Variants in NFATC3 observed in about 807,000 individuals in gnomAD.
The protein encoded by NFATC3 is nuclear factor of activated T cells 3, also known as nuclear factor of activated T-cells, cytoplasmic 3.
In NFATC3, 46 loss-of-function variants were observed where a neutral mutation model predicts 98.6. That is an observed-to-expected ratio of 0.47 (90% CI 0.37 to 0.60). The LOEUF (loss-of-function observed/expected upper bound fraction) is 0.60. NFATC3 is among the 20% of genes least tolerant of loss of function. The pLI is 0.00. For synonymous variants in NFATC3, 512 were observed against 472.2 expected, an observed-to-expected ratio of 1.08 and a Z score of -1.09; for missense variants, 1,256 against 1,295.5, an observed-to-expected ratio of 0.97 and a Z score of 0.47.
intron 4 of NFATC3, among the ~76,000 whole-genome samples, chr16:68,163,566 G>A (rs1340127434): frequency 2.0e-5 from 3 of 152,170 alleles, no homozygotes; most frequent in South Asian, 2.1e-4. Context: ...CCTCCTGGAC[G>A]GGGTGGCTGC....
chr16:68,085,430 A>T lies in NFATC3; in HGVS notation c.-252A>T, dbSNP rs1403732367. 3.2e-6 allele frequency: 1 copy of T among 313,508 alleles called. No homozygotes were observed. The highest frequency in any genetic ancestry group is 5.6e-5 in the East Asian group (1 of 17,960). The allele number at this position is 313,508 out of a possible 1,614,324, so 19.4% of individuals were successfully genotyped here. A position where few individuals can be genotyped will look rare whatever the true frequency, so the allele number is the denominator to read the frequency against. On this transcript the variant is annotated 5_prime_UTR_variant, in exon 1 of 10. Transcript: ENST00000346183. ...CGACTGTGGGGGGGCGGCGGGGAAC[A>T]TTGGCTAAGCCGACAGTGGAGGCTT... is the stretch of plus-strand genomic sequence containing the variant.
chr16:68,206,212 C>G (rs1233263244), intron 9 of NFATC3, among the ~76,000 whole-genome samples: 2 of 152,150 alleles, frequency 1.3e-5, no homozygotes, highest in Admixed American at 6.5e-5. Context: ...TCATTTCACA[C>G]AATGTTCTCC....
chr16:68,127,292 A>T (rs1007602254), intron 3 of NFATC3, among the ~76,000 whole-genome samples: 3 of 152,216 alleles, frequency 2.0e-5, no homozygotes, highest in Non-Finnish European at 4.4e-5. Flanking sequence ...ACCCTCTCAG[A>T]AATAAGCAGT....
chr16:68,203,687 C>T (rs542851318), intron 9 of NFATC3, among the ~76,000 whole-genome samples: 2 of 152,096 alleles, frequency 1.3e-5, no homozygotes, highest in East Asian at 3.9e-4. Flanking sequence ...AGGAAAAGTC[C>T]AAGAGAGGCT....
At chr16:68,090,840 G>A (rs2034673207) in intron 1 of NFATC3, among the ~76,000 whole-genome samples, 1 of 152,118 alleles carries the variant, frequency 6.6e-6, no homozygotes, top group Admixed American at 6.5e-5. Context: ...TTAGGCCAAC[G>A]TTTTCTGTAG....
In NFATC3 at chr16:68,145,159, G is replaced by T. The variant is rs538806970; in HGVS notation, c.1402-12710G>T. ...TTTTTTTTTTTTTTTTTGTGATAGGGTCTGGCTCTGCAGATTGCACATCAC... is the reference window on the plus strand; with the variant it reads ...TTTTTTTTTTTTTTTTTGTGATAGGTTCTGGCTCTGCAGATTGCACATCAC... On this transcript the variant is annotated intron_variant, in intron 3 of 9. Coordinates refer to ENST00000346183, the MANE Select transcript of NFATC3 (RefSeq NM_173165.3). Among the ~76,000 whole-genome samples, 192 of 148,752 alleles carry T rather than the reference G, an allele frequency of 1.3e-3. 2 individuals are homozygous for T. Among genetic ancestry groups the T allele is most frequent in the Non-Finnish European group, 2.4e-3 (160 of 67,276 alleles).
chr16:68,138,829 G>C, intron 3 of NFATC3: 1 of 1,206,134 alleles, frequency 8.3e-7, no homozygotes, highest in Non-Finnish European at 1.1e-6. Context: ...CTCCACACAG[G>C]AATAAATCAT....
At chr16:68,087,339 C>G (rs756063326) in intron 1 of NFATC3, among the ~76,000 whole-genome samples, 5 of 151,768 alleles carry the variant, frequency 3.3e-5, no homozygotes, top group Non-Finnish European at 7.4e-5. Flanking sequence ...TATATACAAC[C>G]AAAATACTGA....
At chr16:68,087,625 C>T (rs1322444494) in intron 1 of NFATC3, among the ~76,000 whole-genome samples, 1 of 152,090 alleles carries the variant, frequency 6.6e-6, no homozygotes, top group African/African-American at 2.4e-5. Flanking sequence ...CAGTGTTGTG[C>T]AGCTACTGCT....
chr16:68,134,984 T>A (rs2037312026), intron 3 of NFATC3, among the ~76,000 whole-genome samples: 1 of 124,424 alleles, frequency 8.0e-6, no homozygotes, highest in Admixed American at 8.7e-5. Context: ...ATACAGTCTC[T>A]TTTTTTTTTA....
At chr16:68,194,827 T>C (rs1424093129) in intron 9 of NFATC3, among the ~76,000 whole-genome samples, 2 of 152,038 alleles carry the variant, frequency 1.3e-5, no homozygotes, top group Non-Finnish European at 2.9e-5. Context: ...AGAAAGATTT[T>C]GGGAAAATGT....
At chr16:68,222,420 G>A (rs574766513) in intron 9 of NFATC3, among the ~76,000 whole-genome samples, 2 of 150,626 alleles carry the variant, frequency 1.3e-5, no homozygotes, top group African/African-American at 2.4e-5. Flanking sequence ...AACTTGAACA[G>A]TGAAATACAA....
intron 8 of NFATC3, among the ~76,000 whole-genome samples, chr16:68,188,525 G>T (rs1306077549): frequency 6.6e-6 from 1 of 152,222 alleles, no homozygotes; most frequent in African/African-American, 2.4e-5. Context: ...ACTGCAGCCA[G>T]GGTCATGGCA....
intron 9 of NFATC3, among the ~76,000 whole-genome samples, chr16:68,220,751 A>C (rs963424895): frequency 3.7e-5 from 5 of 135,566 alleles, no homozygotes; most frequent in Non-Finnish European, 6.1e-5. Context: ...ACTAAAAAAA[A>C]AAATACAAAA....
chr16:68,159,048 A>G (rs60770480), intron 4 of NFATC3, among the ~76,000 whole-genome samples: 1,924 of 152,306 alleles, frequency 0.013, 43 homozygotes, highest in African/African-American at 0.043. Flanking sequence ...CCTGAGCAAC[A>G]TGGCGAAACC....
intron 9 of NFATC3, chr16:68,209,586 C>A: frequency 2.9e-6 from 1 of 349,958 alleles, no homozygotes; most frequent in South Asian, 2.4e-5. Context: ...GCTGAAGGGT[C>A]AGGCCCATCT....
Position 68,098,773 on chromosome 16 carries a change from A to G in NFATC3, c.103+12989A>G, listed in dbSNP as rs138356497. Among the ~76,000 whole-genome samples the G allele has an allele frequency of 1.9e-3, 294 of 152,210 alleles. 2 individuals are homozygous for G. Among genetic ancestry groups the G allele is most frequent in the Admixed American group, 2.4e-3 (37 of 15,298 alleles). ...GTTATCTTCTGTAGGTTTAGTTTAT[A>G]TTTTCCAAATAACTAATGCTCTTGA... On this transcript the variant is annotated intron_variant, in intron 1 of 9. Transcript: ENST00000346183.
At chr16:68,089,284 T>G (rs1272651465) in intron 1 of NFATC3, 9 of 985,256 alleles carry the variant, frequency 9.1e-6, no homozygotes, top group Non-Finnish European at 9.6e-6. Flanking sequence ...GCTAATTAGA[T>G]GATGTGAGAT....
At chr16:68,159,386 C>CACTAT (rs1321646926) in intron 4 of NFATC3, among the ~76,000 whole-genome samples, 2 of 150,466 alleles carry the variant, frequency 1.3e-5, no homozygotes, top group Non-Finnish European at 3.0e-5. Flanking sequence ...TTTCAAACTA[C>CACTAT]ACTATAGACC....
Sources: gnomAD v4.1 joint callset for allele counts (sites outside exome capture counted in the v4.1 genomes callset) on GRCh38, gnomAD v4.1.1 for gene constraint, MANE v1.5 for transcripts, NCBI Gene and HGNC (gene_info 2026-07-23, HGNC 2026-07-21) for gene names.